Variants in MACF1 observed in about 807,000 individuals in gnomAD.
The protein encoded by MACF1 is microtubule-actin cross-linking factor 1.
A neutral mutation model predicts 854.8 loss-of-function variants in MACF1; 193 were observed. That is an observed-to-expected ratio of 0.23 (90% CI 0.20 to 0.25). MACF1 has a LOEUF of 0.25. Ranked by LOEUF, MACF1 falls within the 10% of genes least tolerant of loss-of-function variation. MACF1 has a pLI of 1.00. For missense variants in MACF1, 7,722 were observed against 8,929.1 expected (o/e 0.86, Z 5.45); for synonymous variants, 3,185 against 3,226.7 (o/e 0.99, Z 0.44).
At chr1:39,368,102 T>C (rs751523980) in intron 49 of MACF1, 46 bp from the exon 50 acceptor site, 1 of 1,535,604 alleles carries the variant, frequency 6.5e-7, no homozygotes, top group South Asian at 1.1e-5. Flanking sequence ...TAGAGTATAT[T>C]TATAAGGATT....
At chr1:39,201,792 G>T (rs1315661602), upstream of MACF1, among the ~76,000 whole-genome samples, 1 of 151,906 alleles carries the variant, frequency 6.6e-6, no homozygotes, top group East Asian at 1.9e-4. Flanking sequence ...CTCGTCTCTG[G>T]CCTCCTCTTC....
At chr1:39,159,384 T>C (rs1275886202) in intron 2 of MACF1, among the ~76,000 whole-genome samples, 1 of 152,184 alleles carries the variant, frequency 6.6e-6, no homozygotes, top group African/African-American at 2.4e-5. Context: ...GGTGTAGTTA[T>C]GTTTCTTGGG....
Position 39,452,791 on chromosome 1 carries a change from G to T in MACF1, c.20721G>T (p.Gln6907His), listed in dbSNP as rs969247347. 1.2e-6 allele frequency: 2 copies of T among 1,614,008 alleles called. No homozygotes were observed. The highest frequency in any genetic ancestry group is 1.7e-5 in the Admixed American group (1 of 60,004). ...GALPDDTEAL[Q>H]SLIDTHKEFM... ...TTCCTGATGACACAGAGGCCCTGCAGTCTCTCATTGACACCCATAAGGTAA... is the reference window on the plus strand; with the variant it reads ...TTCCTGATGACACAGAGGCCCTGCATTCTCTCATTGACACCCATAAGGTAA... Residue 6907 changes from glutamine (Q) to histidine (H), a missense_variant, in exon 87 of 101, where the codon CAG becomes CAT. Physicochemically the swap from Gln to His is conservative, Grantham distance 24. Coordinates refer to ENST00000564288, the MANE Select transcript of MACF1 (RefSeq NM_001394062.1).
Position 39,332,831 on chromosome 1 carries a change from G to T in MACF1, c.6243G>T (p.Leu2081=). The T allele has an allele frequency of 6.2e-7, 1 of 1,614,134 alleles. No individual in the cohort carries two copies. Among genetic ancestry groups the T allele is most frequent in the Non-Finnish European group, 8.5e-7 (1 of 1,180,008 alleles). Residue 2081 remains leucine (L), a synonymous_variant, in exon 37 of 101, where the codon CTG becomes CTT. Transcript: ENST00000564288. Reference sequence around the variant, plus strand: ...CTGTAGAGAACCCTGAACAGGATCTGTTTGTAGAACAAAAAGAGAGAAATC... The same window carrying T: ...CTGTAGAGAACCCTGAACAGGATCTTTTTGTAGAACAAAAAGAGAGAAATC... ...DSSVENPEQD[L]FVEQKERNPN...
At position 39,304,578 on chromosome 1, in the gene MACF1, T is replaced by C. The variant is rs996269317; in HGVS notation, c.2789+1500T>C. 7 of 807,390 alleles carry C rather than the reference T, an allele frequency of 8.7e-6. No individual in the cohort carries two copies. The African/African-American group carries it at 8.8e-5, about 10-fold the overall frequency. 50.0% of individuals were successfully genotyped at this position (807,390 alleles called of 1,614,324 possible). A position where few individuals can be genotyped will look rare whatever the true frequency, so the allele number is the denominator to read the frequency against. ...TTTCTTTTCTTTCTTTTTTTTTTTT[T>C]CTTGAGACAGAGCCTTGCTCTGTCG... On this transcript the variant is annotated intron_variant, in intron 23 of 100. Coordinates refer to ENST00000564288, the MANE Select transcript of MACF1 (RefSeq NM_001394062.1).
At chr1:39,097,460 G>A (rs1641965579) in intron 2 of MACF1, among the ~76,000 whole-genome samples, 1 of 152,134 alleles carries the variant, frequency 6.6e-6, no homozygotes, top group Non-Finnish European at 1.5e-5. Flanking sequence ...AGTGGCTCAT[G>A]TCTCTAACCC....
At chr1:39,187,866 G>GTC (rs1276441879) in intron 2 of MACF1, among the ~76,000 whole-genome samples, 83 of 124,550 alleles carry the variant, frequency 6.7e-4, no homozygotes, top group African/African-American at 2.2e-3. Context: ...CTCTCTCTCT[G>GTC]TCTCTCTCTC....
chr1:39,206,598 A>T (rs981830235), intron 1 of MACF1: 5 of 152,194 alleles, frequency 3.3e-5, no homozygotes, highest in African/African-American at 1.2e-4. Flanking sequence ...CCATAAAGTA[A>T]TTGAAATAAA....
chr1:39,285,129 C>G lies in MACF1; in HGVS notation c.1178C>G (p.Pro393Arg). The G allele has an allele frequency of 6.2e-7, 1 of 1,614,156 alleles. No individual in the cohort carries two copies. The highest frequency in any genetic ancestry group is 8.5e-7 in the Non-Finnish European group (1 of 1,180,030). ...GRIKLPQGYH[P>R]NDVEEEWGKL... ...ATTAAACTGCCTCAAGGTTATCACCCTAATGATGTGGAAGAAGAGTGGGGA... is the reference window on the plus strand; with the variant it reads ...ATTAAACTGCCTCAAGGTTATCACCGTAATGATGTGGAAGAAGAGTGGGGA... The change falls in exon 12 of 101, where the codon CCT becomes CGT. Residue 393 changes from proline (P) to arginine (R), a missense_variant. Around this residue, in one of 15 missense-constraint regions of MACF1, gnomAD observed 1,137 missense variants for 1,263.0 expected, o/e 0.90. Coordinates refer to ENST00000564288, the MANE Select transcript of MACF1 (RefSeq NM_001394062.1).
chr1:39,460,626 G>A lies in MACF1; in HGVS notation c.21361-6G>A, dbSNP rs754271091. On this transcript the variant is annotated splice_polypyrimidine_tract_variant and splice_region_variant and intron_variant, in intron 91 of 100. Transcript: ENST00000564288. The surrounding 1 kb of genome is among the most constrained non-coding windows in gnomAD (Gnocchi z 4.1). ...AATCTTATTGACACTTCTGATTTCTGTGTAGTTGAAAGAATTTGCCAACTT... is the reference window on the plus strand; with the variant it reads ...AATCTTATTGACACTTCTGATTTCTATGTAGTTGAAAGAATTTGCCAACTT... 7 of 1,613,862 alleles carry A rather than the reference G, an allele frequency of 4.3e-6. No homozygotes were observed. The highest frequency in any genetic ancestry group is 1.3e-5 in the African/African-American group (1 of 74,920).
intron 2 of MACF1, among the ~76,000 whole-genome samples, chr1:39,247,109 G>C (rs1644990324): frequency 1.8e-5 from 2 of 113,860 alleles, no homozygotes; most frequent in Admixed American, 1.3e-4. Context: ...GTTTCGCTCT[G>C]TTGCCCAGGC....
rs59431789 is a variant in MACF1 at position 39,339,489 on chromosome 1, T to TCAGCTCC, written c.10216-1013_10216-1012insCAGCTCC. ...CAGCTCCTGAAAGTTATTGGTGACT[T>TCAGCTCC]TGAACAGTTTCAGTGGAGTGACGGG... On this transcript the variant is annotated intron_variant, in intron 38 of 100. Transcript: ENST00000564288. 6.7e-3 allele frequency among the ~76,000 whole-genome samples: 1,021 copies of TCAGCTCC among 152,200 alleles called. 13 individuals carry two copies. Among genetic ancestry groups the TCAGCTCC allele is most frequent in the African/African-American group, 0.023 (972 of 41,522 alleles).
chr1:39,306,249 TC>T (rs1646173001), intron 23 of MACF1, among the ~76,000 whole-genome samples: 1 of 151,844 alleles, frequency 6.6e-6, no homozygotes, highest in South Asian at 2.1e-4. Context: ...AACCTTTGCC[TC>T]CCGAGTAAGT....
chr1:39,471,315 TTC>T (rs1263642124), intron 97 of MACF1, among the ~76,000 whole-genome samples: 1 of 152,266 alleles, frequency 6.6e-6, no homozygotes, highest in Admixed American at 6.5e-5. Context: ...ATATTGGAAG[TTC>T]TATAAGGATT....
In MACF1 at chr1:39,283,756, C is replaced by G. The variant is rs1427904327; in HGVS notation, c.915+241C>G. Among the ~76,000 whole-genome samples the G allele has an allele frequency of 6.6e-6, 1 of 152,144 alleles. No homozygotes were observed. The highest frequency in any genetic ancestry group is 1.5e-5 in the Non-Finnish European group (1 of 68,018). Reference sequence around the variant, plus strand: ...CAGCAAAGAATGTCTCTTTCATCCCCAGCTGTAATTCAAGATGAGGAAGTG... The same window carrying G: ...CAGCAAAGAATGTCTCTTTCATCCCGAGCTGTAATTCAAGATGAGGAAGTG... On this transcript the variant is annotated intron_variant, in intron 9 of 100. Coordinates refer to ENST00000564288, the MANE Select transcript of MACF1 (RefSeq NM_001394062.1). This position sits in a 1 kb window ranked among gnomAD's most constrained non-coding sequence, Gnocchi z 4.5.
chr1:39,220,481 A>T (rs867113336), intron 1 of MACF1, among the ~76,000 whole-genome samples: 3,975 of 126,404 alleles, frequency 0.031, 220 homozygotes, highest in African/African-American at 0.11. Flanking sequence ...CCTTTAATGA[A>T]TTTTTTTTTT....
intron 90 of MACF1, 57 bp from the exon 91 acceptor site, chr1:39,459,029 T>C: frequency 7.1e-7 from 1 of 1,414,136 alleles, no homozygotes; most frequent in Non-Finnish European, 9.7e-7. Context: ...TACATACAGC[T>C]ATTTCTCTTT....
intron 2 of MACF1, among the ~76,000 whole-genome samples, chr1:39,167,608 A>G (rs991111332): frequency 1.3e-5 from 2 of 152,072 alleles, no homozygotes; most frequent in African/African-American, 4.8e-5. Flanking sequence ...CAGGAGCCTG[A>G]GGCAGGAGAA....
intron 89 of MACF1, chr1:39,457,330 C>G (rs752919833): frequency 1.3e-5 from 2 of 152,272 alleles, no homozygotes; most frequent in Non-Finnish European, 2.9e-5. Context: ...GCTTGTCAGT[C>G]CCACTTTCAA....
Sources: gnomAD v4.1 joint callset for allele counts (sites outside exome capture counted in the v4.1 genomes callset) on GRCh38, gnomAD v4.1.1 for gene constraint, gnomAD v4.1.1 regional missense constraint, Gnocchi (gnomAD v3.1) non-coding constraint, MANE v1.5 for transcripts, NCBI Gene and HGNC (gene_info 2026-07-23, HGNC 2026-07-21) for gene names.